The following CREB5 variants were observed in gnomAD, a reference collection of about 807,000 sequenced individuals.
The protein encoded by CREB5 is cAMP responsive element binding protein 5.
A neutral mutation model predicts 57.1 loss-of-function variants in CREB5; 19 were observed. That is an observed-to-expected ratio of 0.33 (90% CI 0.23 to 0.49). CREB5 has a LOEUF of 0.49. Ranked by LOEUF, CREB5 falls within the 20% of genes least tolerant of loss-of-function variation. CREB5 has a pLI of 0.99. For synonymous variants in CREB5, 238 were observed against 238.3 expected (o/e 1.00, Z 0.01); for missense variants, 579 against 671.6 (o/e 0.86, Z 1.52).
intron 1 of CREB5, among the ~76,000 whole-genome samples, chr7:28,428,230 G>A (rs938918927): frequency 6.6e-6 from 1 of 152,192 alleles, no homozygotes; most frequent in Non-Finnish European, 1.5e-5. Flanking sequence ...GACAAGGAGG[G>A]AAGCAGTGGG....
intron 7 of CREB5, among the ~76,000 whole-genome samples, chr7:28,765,516 T>G (rs1041413389): frequency 9.9e-5 from 15 of 152,248 alleles, no homozygotes; most frequent in African/African-American, 3.4e-4. Flanking sequence ...ACATTTGCCT[T>G]ATTCGTAGCT....
chr7:28,308,154 G>T (rs914989127), intron 1 of CREB5, among the ~76,000 whole-genome samples: 1 of 152,158 alleles, frequency 6.6e-6, no homozygotes. Flanking sequence ...ACATGAGTCC[G>T]TTTCCTAAGG....
At chr7:28,374,979 C>T (rs1330497026) in intron 1 of CREB5, among the ~76,000 whole-genome samples, 1 of 152,144 alleles carries the variant, frequency 6.6e-6, no homozygotes, top group East Asian at 1.9e-4. Flanking sequence ...TATCAGTTGG[C>T]TCTCTTCTGC....
At chr7:28,675,213 A>G (rs1426903466) in intron 5 of CREB5, among the ~76,000 whole-genome samples, 1 of 152,178 alleles carries the variant, frequency 6.6e-6, no homozygotes, top group African/African-American at 2.4e-5. Context: ...ATCACGATCT[A>G]AAGTAAGAGT....
At chr7:28,532,583 G>A (rs929639046) in intron 4 of CREB5, among the ~76,000 whole-genome samples, 5 of 152,140 alleles carry the variant, frequency 3.3e-5, no homozygotes, top group East Asian at 3.9e-4. Flanking sequence ...CTCGTGGATC[G>A]GAAGGTTTTC....
chr7:28,511,645 C>T (rs1032371175), intron 4 of CREB5, among the ~76,000 whole-genome samples: 1 of 152,114 alleles, frequency 6.6e-6, no homozygotes, highest in South Asian at 2.1e-4. Context: ...CCACCATGCC[C>T]GGCTCATTTT....
chr7:28,454,589 A>G (rs973753039), intron 1 of CREB5, among the ~76,000 whole-genome samples: 2 of 152,016 alleles, frequency 1.3e-5, no homozygotes, highest in African/African-American at 4.8e-5. Context: ...GAGTCTAATG[A>G]CCAGCTTATG....
At chr7:28,662,684 G>A (rs1799658214) in intron 5 of CREB5, among the ~76,000 whole-genome samples, 1 of 152,156 alleles carries the variant, frequency 6.6e-6, no homozygotes, top group South Asian at 2.1e-4. Flanking sequence ...GCTGGGAGGC[G>A]CTGAGGAAGT....
chr7:28,813,743 T>C (rs1809261227), intron 9 of CREB5, among the ~76,000 whole-genome samples: 1 of 152,218 alleles, frequency 6.6e-6, no homozygotes, highest in Admixed American at 6.5e-5. Flanking sequence ...AGTATGTTTT[T>C]GTAGTATTGA....
chr7:28,664,481 T>A (rs1002096162), intron 5 of CREB5, among the ~76,000 whole-genome samples: 4 of 152,210 alleles, frequency 2.6e-5, no homozygotes, highest in Admixed American at 6.5e-5. Context: ...TCTCCAAGTA[T>A]GAAGGTTTGA....
intron 1 of CREB5, among the ~76,000 whole-genome samples, chr7:28,487,641 A>C (rs957573760): frequency 6.6e-6 from 1 of 152,214 alleles, no homozygotes. Flanking sequence ...AGCTGGTGCC[A>C]CAGCTACTTT....
chr7:28,632,209 C>A (rs1193727821), intron 5 of CREB5, among the ~76,000 whole-genome samples: 2 of 152,188 alleles, frequency 1.3e-5, no homozygotes, highest in Non-Finnish European at 1.5e-5. Flanking sequence ...GGTGCCTGGA[C>A]TGAATAAACA....
chr7:28,315,704 C>T (rs1356535748), intron 1 of CREB5, among the ~76,000 whole-genome samples: 4 of 152,220 alleles, frequency 2.6e-5, no homozygotes, highest in African/African-American at 7.2e-5. Context: ...GCTCTTAATT[C>T]ACCTTCCTGT....
intron 1 of CREB5, among the ~76,000 whole-genome samples, chr7:28,405,270 T>A (rs975387991): frequency 1.3e-5 from 2 of 152,166 alleles, no homozygotes; most frequent in African/African-American, 4.8e-5. Flanking sequence ...CCTTTCCCCA[T>A]CACTGTTAAT....
chr7:28,400,791 T>G (rs1388317261), intron 1 of CREB5, among the ~76,000 whole-genome samples: 9 of 152,200 alleles, frequency 5.9e-5, no homozygotes, highest in African/African-American at 2.2e-4. Flanking sequence ...CCTAAAGAGA[T>G]GAGAATAACC....
intron 4 of CREB5, among the ~76,000 whole-genome samples, chr7:28,560,975 T>TGCGTGC (rs1270769785): frequency 1.7e-4 from 4 of 23,442 alleles, no homozygotes; most frequent in African/African-American, 3.7e-4. Flanking sequence ...TGTGTGTGCG[T>TGCGTGC]GTGTGCGTGC....
At chr7:28,487,206 A>G (rs1388924945) in intron 1 of CREB5, among the ~76,000 whole-genome samples, 1 of 151,982 alleles carries the variant, frequency 6.6e-6, no homozygotes, top group African/African-American at 2.4e-5. Flanking sequence ...GGGTAAAGAT[A>G]GGGTTTCACC....
At chr7:28,566,666 GA>G (rs59194381) in intron 4 of CREB5, among the ~76,000 whole-genome samples, 5 of 151,556 alleles carry the variant, frequency 3.3e-5, no homozygotes, top group Admixed American at 6.6e-5. Context: ...AAAGCTTAAA[GA>G]AAAAAAAATC....
chr7:28,515,289 C>G (rs1672600041), intron 4 of CREB5, among the ~76,000 whole-genome samples: 1 of 152,222 alleles, frequency 6.6e-6, no homozygotes, highest in South Asian at 2.1e-4. Flanking sequence ...TGGCCTTTCT[C>G]TGACCTCTCT....
Sources: gnomAD v4.1 joint callset for allele counts (sites outside exome capture counted in the v4.1 genomes callset) on GRCh38, gnomAD v4.1.1 for gene constraint, MANE v1.5 for transcripts, NCBI Gene and HGNC (gene_info 2026-07-23, HGNC 2026-07-21) for gene names.